GAREM1: variants seen among roughly 807,000 people sequenced by gnomAD.
GAREM1 encodes GRB2 associated regulator of MAPK1 subtype 1, also known as GRB2-associated and regulator of MAPK protein 1.
A neutral mutation model predicts 71.3 loss-of-function variants in GAREM1; 26 were observed. The ratio of observed to expected loss-of-function variants is 0.36; its 90% CI spans 0.27 to 0.51. The LOEUF (loss-of-function observed/expected upper bound fraction) is 0.51. GAREM1 is among the 20% of genes least tolerant of loss of function. The pLI, the probability that GAREM1 is intolerant of heterozygous loss-of-function variation, is 0.95. For synonymous variants in GAREM1, 440 were observed against 433.2 expected (o/e 1.02, Z -0.20); for missense variants, 1,026 against 1,103.1 (o/e 0.93, Z 0.99).
intron 2 of GAREM1, among the ~76,000 whole-genome samples, chr18:32,359,931 T>TATAAATATATAA (rs1555638187): frequency 3.3e-5 from 5 of 149,784 alleles, no homozygotes; most frequent in African/African-American, 1.2e-4. Context: ...GTCTCTTAAA[T>TATAAATATATAA]ATAAATAAAT....
chr18:32,469,236 A>G (rs1418938499), intron 1 of GAREM1, among the ~76,000 whole-genome samples: 3 of 152,088 alleles, frequency 2.0e-5, no homozygotes, highest in Admixed American at 2.0e-4. Flanking sequence ...CCACTCTTCT[A>G]CCCCAGGAAA....
intron 2 of GAREM1, among the ~76,000 whole-genome samples, chr18:32,327,123 CT>C (rs758429329): frequency 6.6e-6 from 1 of 152,124 alleles, no homozygotes; most frequent in Non-Finnish European, 1.5e-5. Context: ...ATTATGATTT[CT>C]GATATTGTAC....
Position 32,444,582 on chromosome 18 carries a change from T to A in GAREM1, c.121+25726A>T, listed in dbSNP as rs564882604. Among the ~76,000 whole-genome samples, 75 of 152,292 alleles carry A rather than the reference T, an allele frequency of 4.9e-4. 1 individual carries two copies. The highest frequency in any genetic ancestry group is 1.4e-3 in the Admixed American group (22 of 15,302). ...ACATTCTATTCTGGTTTAAGTATAG[T>A]CTTCATATGAGAAATAATCCTCAAG... On this transcript the variant is annotated intron_variant, in intron 1 of 5. Transcript: ENST00000269209.
intron 1 of GAREM1, among the ~76,000 whole-genome samples, chr18:32,469,374 C>T (rs2049028323): frequency 6.6e-6 from 1 of 152,102 alleles, no homozygotes; most frequent in Non-Finnish European, 1.5e-5. Flanking sequence ...ACAGCTGCCC[C>T]ACAGCAGGGC....
At chr18:32,397,614 A>G (rs2048270510) in intron 1 of GAREM1, among the ~76,000 whole-genome samples, 1 of 152,246 alleles carries the variant, frequency 6.6e-6, no homozygotes, top group Admixed American at 6.5e-5. Context: ...TATCAAAAAT[A>G]TATATGCACC....
chr18:32,451,784 TC>T (rs2048842979), intron 1 of GAREM1, among the ~76,000 whole-genome samples: 1 of 152,094 alleles, frequency 6.6e-6, no homozygotes, highest in Admixed American at 6.5e-5. Context: ...CTTCAGCACT[TC>T]CCACTGTTTG....
At chr18:32,418,972 G>A (rs995666353) in intron 1 of GAREM1, among the ~76,000 whole-genome samples, 5 of 152,192 alleles carry the variant, frequency 3.3e-5, no homozygotes, top group Non-Finnish European at 4.4e-5. Flanking sequence ...CACTCAGGCT[G>A]AAATCAAGGC....
chr18:32,309,782 C>T (rs924308675), intron 3 of GAREM1, among the ~76,000 whole-genome samples: 2 of 151,962 alleles, frequency 1.3e-5, no homozygotes, highest in Admixed American at 1.3e-4. Flanking sequence ...GCTTAGAAAC[C>T]TATTCTATCT....
At chr18:32,294,861 T>G (rs980018157) in intron 3 of GAREM1, among the ~76,000 whole-genome samples, 6 of 152,280 alleles carry the variant, frequency 3.9e-5, no homozygotes, top group Non-Finnish European at 8.8e-5. Flanking sequence ...CAGTGAGCAT[T>G]TTAGTGTTTC....
intron 1 of GAREM1, among the ~76,000 whole-genome samples, chr18:32,414,607 C>G (rs1265209617): frequency 6.6e-6 from 1 of 151,954 alleles, no homozygotes; most frequent in Non-Finnish European, 1.5e-5. Context: ...AAACAACATG[C>G]TCCTGAGTGA....
intron 3 of GAREM1, among the ~76,000 whole-genome samples, chr18:32,297,397 A>G (rs1425896010): frequency 6.6e-6 from 1 of 152,242 alleles, no homozygotes; most frequent in Admixed American, 6.5e-5. Context: ...TATGTAAACA[A>G]ATGCTCACAG....
At chr18:32,329,165 A>G (rs2047503425) in intron 2 of GAREM1, among the ~76,000 whole-genome samples, 1 of 152,070 alleles carries the variant, frequency 6.6e-6, no homozygotes, top group Admixed American at 6.6e-5. Context: ...GAGGCCAGGA[A>G]TGCTAGACCA....
chr18:32,369,172 G>C (rs1285511080), intron 2 of GAREM1, among the ~76,000 whole-genome samples: 1 of 152,218 alleles, frequency 6.6e-6, no homozygotes, highest in East Asian at 1.9e-4. Context: ...CTAATTCCAA[G>C]TGTGTATTCA....
chr18:32,446,249 T>TGTGTGTGTGTGTGC (rs141510183), intron 1 of GAREM1, among the ~76,000 whole-genome samples: 1,846 of 151,964 alleles, frequency 0.012, 43 homozygotes, highest in African/African-American at 0.041. Flanking sequence ...TGTGTGTGTG[T>TGTGTGTGTGTGTGC]GTGTATAACA....
chr18:32,320,252 TA>T (rs2047416430), intron 2 of GAREM1, among the ~76,000 whole-genome samples: 1 of 152,196 alleles, frequency 6.6e-6, no homozygotes, highest in Non-Finnish European at 1.5e-5. Flanking sequence ...AGGACATAAT[TA>T]TTTTTATAAG....
intron 1 of GAREM1, among the ~76,000 whole-genome samples, chr18:32,411,128 T>G (rs1410022469): frequency 6.6e-6 from 1 of 152,208 alleles, no homozygotes; most frequent in African/African-American, 2.4e-5. Flanking sequence ...TCTTCTTCAA[T>G]CAGTTCCCTT....
chr18:32,432,144 T>C (rs1179989499), intron 1 of GAREM1, among the ~76,000 whole-genome samples: 1 of 152,146 alleles, frequency 6.6e-6, no homozygotes, highest in Non-Finnish European at 1.5e-5. Flanking sequence ...AAATAGTAAA[T>C]ATCTGGGTAA....
intron 1 of GAREM1, among the ~76,000 whole-genome samples, 158 bp from the exon 2 acceptor site, chr18:32,393,193 T>A (rs950891331): frequency 1.4e-4 from 22 of 151,954 alleles, no homozygotes; most frequent in African/African-American, 5.1e-4. Flanking sequence ...TTTTTTTTTT[T>A]TTTAAAAAAG....
chr18:32,406,707 G>A (rs1487447657), intron 1 of GAREM1, among the ~76,000 whole-genome samples: 1 of 152,168 alleles, frequency 6.6e-6, no homozygotes, highest in Non-Finnish European at 1.5e-5. Context: ...TGTGGTTACA[G>A]GAAATCACTG....
Sources: allele counts gnomAD v4.1 joint callset (sites outside exome capture counted in the v4.1 genomes callset), GRCh38; gene constraint gnomAD v4.1.1; transcripts MANE v1.5; gene names NCBI Gene and HGNC (gene_info 2026-07-23, HGNC 2026-07-21).